The following TCF12 variants were observed in gnomAD, a reference collection of about 807,000 sequenced individuals.
The protein encoded by TCF12 is transcription factor 12, also known as DNA-binding protein HTF4.
Under a neutral mutation model 86.0 loss-of-function variants are expected in TCF12, and 45 were observed. That is an observed-to-expected ratio of 0.52 (90% CI 0.41 to 0.67). TCF12 has a LOEUF of 0.67. Ranked by LOEUF, TCF12 falls within the 30% of genes least tolerant of loss-of-function variation. The probability of loss-of-function intolerance (pLI) is 0.00; values close to 1 mark genes in which losing one functional copy is unlikely to be tolerated. For missense variants in TCF12, 881 were observed against 859.9 expected (o/e 1.02, Z -0.31); for synonymous variants, 330 against 299.6 (o/e 1.10, Z -1.05).
At chr15:57,105,568 C>T (rs1282310515) in intron 5 of TCF12, among the ~76,000 whole-genome samples, 2 of 152,054 alleles carry the variant, frequency 1.3e-5, no homozygotes, top group African/African-American at 2.4e-5. Context: ...GTGCATCCCA[C>T]ACCCAGCTAA....
chr15:56,926,120 T>C (rs1216840730), intron 3 of TCF12, among the ~76,000 whole-genome samples: 2 of 152,254 alleles, frequency 1.3e-5, no homozygotes, highest in African/African-American at 4.8e-5. Flanking sequence ...GAGACCAGCC[T>C]GGCCAACGTA....
intron 3 of TCF12, among the ~76,000 whole-genome samples, chr15:56,953,692 T>A (rs2061377851): frequency 6.6e-6 from 1 of 152,030 alleles, no homozygotes; most frequent in South Asian, 2.1e-4. Flanking sequence ...TCATATAAGT[T>A]GTCGAATATA....
At chr15:56,959,565 A>G (rs2061652900) in intron 3 of TCF12, among the ~76,000 whole-genome samples, 1 of 152,208 alleles carries the variant, frequency 6.6e-6, no homozygotes, top group African/African-American at 2.4e-5. Flanking sequence ...CTGAAGCAAT[A>G]ATTCAGTTTT....
chr15:57,104,859 G>GTGTT, intron 5 of TCF12, among the ~76,000 whole-genome samples: 1 of 114,182 alleles, frequency 8.8e-6, no homozygotes, highest in African/African-American at 3.8e-5. Context: ...GTCTTTGGTG[G>GTGTT]TGTTTTTTTT....
intron 3 of TCF12, among the ~76,000 whole-genome samples, chr15:56,943,759 A>G (rs2140377018): frequency 6.6e-6 from 1 of 152,336 alleles, no homozygotes; most frequent in African/African-American, 2.4e-5. Context: ...AATTTGGTAA[A>G]GTCATTATTA....
At chr15:56,932,528 A>T (rs2060291377) in intron 3 of TCF12, among the ~76,000 whole-genome samples, 1 of 152,134 alleles carries the variant, frequency 6.6e-6, no homozygotes, top group African/African-American at 2.4e-5. Flanking sequence ...TACTGTTGAT[A>T]TTCTCCAAAA....
At chr15:57,272,813 A>AAGAG (rs2061204277) in intron 18 of TCF12, among the ~76,000 whole-genome samples, 1 of 152,266 alleles carries the variant, frequency 6.6e-6, no homozygotes, top group African/African-American at 2.4e-5. Flanking sequence ...AAATGCACTT[A>AAGAG]AGAGTGTATG....
chr15:56,976,665 T>G (rs115698231), intron 3 of TCF12, among the ~76,000 whole-genome samples: 41 of 152,266 alleles, frequency 2.7e-4, no homozygotes, highest in African/African-American at 9.1e-4. Context: ...TAGACACATT[T>G]GCTTCCTGAT....
At chr15:57,107,629 T>G (rs2050222987) in intron 5 of TCF12, among the ~76,000 whole-genome samples, 1 of 152,184 alleles carries the variant, frequency 6.6e-6, no homozygotes, top group Non-Finnish European at 1.5e-5. Context: ...CTCACACCTG[T>G]AATCCCAGCA....
intron 3 of TCF12, among the ~76,000 whole-genome samples, chr15:56,991,734 T>A (rs2063468492): frequency 6.6e-6 from 1 of 152,178 alleles, no homozygotes; most frequent in Admixed American, 6.5e-5. Flanking sequence ...TTGTGTACCT[T>A]AATTCCTTCC....
intron 3 of TCF12, among the ~76,000 whole-genome samples, chr15:57,051,279 G>A (rs541424976): frequency 7.2e-5 from 11 of 152,248 alleles, no homozygotes; most frequent in South Asian, 6.2e-4. Flanking sequence ...TTATTTTAGC[G>A]TTCCACCTGT....
intron 4 of TCF12, among the ~76,000 whole-genome samples, chr15:57,087,083 CTCCCTCTG>C: frequency 6.7e-6 from 1 of 149,124 alleles, no homozygotes; most frequent in African/African-American, 2.5e-5. Flanking sequence ...CTCCCTCTGT[CTCCCTCTG>C]TCTCCCTCTC....
At chr15:57,203,011 A>G (rs1211730848) in intron 8 of TCF12, among the ~76,000 whole-genome samples, 1 of 152,240 alleles carries the variant, frequency 6.6e-6, no homozygotes, top group Non-Finnish European at 1.5e-5. Flanking sequence ...GTTTGAAGAT[A>G]TATAAAAAAG....
intron 5 of TCF12, among the ~76,000 whole-genome samples, chr15:57,117,558 C>T (rs780203705): frequency 1.9e-4 from 29 of 152,064 alleles, no homozygotes; most frequent in Non-Finnish European, 3.7e-4. Context: ...AATTCTGGCT[C>T]TTGTTTGTAA....
In TCF12 at chr15:56,995,231, C is replaced by CTTTTTTTTTTTTTTTTTTTTT. The variant is rs557610511; in HGVS notation, c.149-68511_149-68491dup. On this transcript the variant is annotated intron_variant, in intron 3 of 20. Coordinates refer to ENST00000333725, the MANE Select transcript of TCF12 (RefSeq NM_207037.2). ...AAGTCAGGTAATGTGATACCTGCAG[C>CTTTTTTTTTTTTTTTTTTTTT]TTTTTTTTTTTTTTTTTTTTTTTTT... Among the ~76,000 whole-genome samples, 10 of 30,304 alleles carry CTTTTTTTTTTTTTTTTTTTTT rather than the reference C, an allele frequency of 3.3e-4. 2 individuals are homozygous for CTTTTTTTTTTTTTTTTTTTTT. The highest frequency in any genetic ancestry group is 1.5e-3 in the East Asian group (1 of 672). The allele number at this position is 30,304 out of a possible 152,430, so 19.9% of individuals were successfully genotyped here. A position where few individuals can be genotyped will look rare whatever the true frequency, so the allele number is the denominator to read the frequency against.
chr15:56,996,853 C>T (rs1184691082), intron 3 of TCF12, among the ~76,000 whole-genome samples: 2 of 152,094 alleles, frequency 1.3e-5, no homozygotes, highest in Non-Finnish European at 2.9e-5. Context: ...ATACAAGTAG[C>T]CAACAAACAT....
At chr15:57,131,783 A>G (rs886977840) in intron 5 of TCF12, among the ~76,000 whole-genome samples, 6 of 152,250 alleles carry the variant, frequency 3.9e-5, no homozygotes, top group African/African-American at 1.4e-4. Flanking sequence ...CTACAGATTA[A>G]TAAATTGAAC....
intron 3 of TCF12, among the ~76,000 whole-genome samples, chr15:56,960,543 C>T (rs1367532255): frequency 1.3e-5 from 2 of 151,744 alleles, no homozygotes. Flanking sequence ...GATTCTCCCA[C>T]CTCAGCCTCC....
chr15:57,015,395 A>G (rs1252601029), intron 3 of TCF12, among the ~76,000 whole-genome samples: 3 of 152,212 alleles, frequency 2.0e-5, no homozygotes, highest in African/African-American at 7.2e-5. Flanking sequence ...CATTCCCCAT[A>G]ACCAATGATG....
Sources: gnomAD v4.1 joint callset for allele counts (sites outside exome capture counted in the v4.1 genomes callset) on GRCh38, gnomAD v4.1.1 for gene constraint, MANE v1.5 for transcripts, NCBI Gene and HGNC (gene_info 2026-07-23, HGNC 2026-07-21) for gene names.